The following ABCC8 variants were observed in gnomAD, a reference collection of about 807,000 sequenced individuals.
ABCC8 encodes ATP-binding cassette sub-family C member 8.
ABCC8 carries 137 observed loss-of-function variants against 188.0 expected under a neutral mutation model. That is an observed-to-expected ratio of 0.73 (90% CI 0.63 to 0.84). The LOEUF is 0.84. ABCC8 is among the 40% of genes least tolerant of loss of function. ABCC8 has a pLI of 0.00. For missense variants in ABCC8, 1,750 were observed against 2,072.7 expected (o/e 0.84, Z 3.02); for synonymous variants, 797 against 846.5 (o/e 0.94, Z 1.01).
chr11:17,467,710 C>T (rs1291842408), intron 3 of ABCC8, among the ~76,000 whole-genome samples: 1 of 152,276 alleles, frequency 6.6e-6, no homozygotes, highest in Non-Finnish European at 1.5e-5. Context: ...ACATCAGCCC[C>T]TTGGAGGGCT....
intron 6 of ABCC8, among the ~76,000 whole-genome samples, chr11:17,457,728 C>G (rs1013764686): frequency 6.6e-6 from 1 of 152,146 alleles, no homozygotes; most frequent in African/African-American, 2.4e-5. Context: ...CAGACACTTT[C>G]AGTAACTAAA....
At chr11:17,445,557 T>C (rs1184893761) in intron 8 of ABCC8, among the ~76,000 whole-genome samples, 1 of 152,238 alleles carries the variant, frequency 6.6e-6, no homozygotes, top group Non-Finnish European at 1.5e-5. Flanking sequence ...TCTGCACTCA[T>C]GTCAATATTA....
intron 7 of ABCC8, 187 bp from the exon 8 acceptor site, chr11:17,448,858 T>C (rs567493510): frequency 3.4e-6 from 1 of 294,312 alleles, no homozygotes; most frequent in Non-Finnish European, 5.0e-6. Flanking sequence ...GCAAGCTACT[T>C]CTCCAGCAAG....
chr11:17,463,081 C>G (rs4148610), intron 4 of ABCC8, among the ~76,000 whole-genome samples: 62,051 of 151,916 alleles, frequency 0.41, 13,741 homozygotes, highest in African/African-American at 0.59. Flanking sequence ...ATTCATTTAC[C>G]AGCGTGACGA....
rs539521920 is a variant in ABCC8, at chr11:17,474,871, C to T, written c.290+15G>A. 1.2e-6 allele frequency: 2 copies of T among 1,613,764 alleles called. No individual in the cohort carries two copies. Among genetic ancestry groups the T allele is most frequent in the Non-Finnish European group, 1.7e-6 (2 of 1,179,758 alleles). ...GAGCAGATTCACTTTCCTGAGTCCT[C>T]AGACAGTCACTCACCCATCAGACAG... On this transcript the variant is annotated intron_variant, in intron 2 of 38. Coordinates refer to ENST00000389817, the MANE Select transcript of ABCC8 (RefSeq NM_000352.6).
Position 17,404,842 on chromosome 11 carries a change from G to T in ABCC8, c.3400-173C>A. 1.7e-6 allele frequency: 1 copy of T among 593,412 alleles called. No individual in the cohort carries two copies. The highest frequency in any genetic ancestry group is 2.1e-6 in the Non-Finnish European group (1 of 471,758). The allele number at this position is 593,412 out of a possible 1,614,324, so 36.8% of individuals were successfully genotyped here. ...AGCAGCGTAATCTCGGTTCACGGCAGCCTCTGCCCCTTGGGTTCAAATGAT... is the reference window on the plus strand; with the variant it reads ...AGCAGCGTAATCTCGGTTCACGGCATCCTCTGCCCCTTGGGTTCAAATGAT... On this transcript the variant is annotated intron_variant, in intron 27 of 38. Coordinates refer to ENST00000389817, the MANE Select transcript of ABCC8 (RefSeq NM_000352.6). The surrounding 1 kb of genome is among the most constrained non-coding windows in gnomAD (Gnocchi z 4.7).
intron 7 of ABCC8, 101 bp downstream of exon 7, chr11:17,453,018 G>A: frequency 8.8e-7 from 1 of 1,134,180 alleles, no homozygotes; most frequent in Non-Finnish European, 1.3e-6. Flanking sequence ...TAAATTTACA[G>A]CAGAATTATT....
In ABCC8 at chr11:17,427,954, G is replaced by A. The variant is rs201419039; in HGVS notation, c.2041-12C>T. 1.3e-3 allele frequency: 2,041 copies of A among 1,612,692 alleles called. No individual in the cohort carries two copies. The highest frequency in any genetic ancestry group is 1.6e-3 in the Non-Finnish European group (1,912 of 1,179,404). ...TAGCCTCCCATGATCTTCATTAGGC[G>A]TGTCCCACCGCCCAGGAGAGAACAG... On this transcript the variant is annotated splice_polypyrimidine_tract_variant and intron_variant, in intron 14 of 38. Coordinates refer to ENST00000389817, the MANE Select transcript of ABCC8 (RefSeq NM_000352.6). This position sits in a 1 kb window ranked among gnomAD's most constrained non-coding sequence, Gnocchi z 5.0.
rs72559720 is a variant in ABCC8 at position 17,407,012 on chromosome 11, G to C, written c.3038C>G (p.Ser1013Trp). 1 of 1,614,184 alleles carries C rather than the reference G, an allele frequency of 6.2e-7. No individual in the cohort carries two copies. The change falls in exon 25 of 39, where the codon TCG (serine) becomes TGG (tryptophan). Residue 1013 changes from serine to tryptophan, a missense_variant. Physicochemically the swap from Ser to Trp is radical, Grantham distance 177. Transcript: ENST00000389817. ...GAGCAGCTGTGAGAAGACCAGCAAC[G>C]ACAGGAGCAGGATGCCGGCGGAGGA... ...YLSSAGILLLSLLVFSQLLKH... is the reference protein window; with the variant it reads ...YLSSAGILLLWLLVFSQLLKH...
intron 2 of ABCC8, 64 bp downstream of exon 2, chr11:17,474,822 T>C: frequency 1.3e-6 from 2 of 1,552,774 alleles, no homozygotes; most frequent in South Asian, 1.1e-5. Context: ...TAGGATCTCC[T>C]TGGGCCTTTC....
chr11:17,467,593 A>G (rs1339625922), intron 3 of ABCC8, among the ~76,000 whole-genome samples: 1 of 152,218 alleles, frequency 6.6e-6, no homozygotes, highest in Non-Finnish European at 1.5e-5. Context: ...ACTTTTTCAG[A>G]GAACATTTCC....
intron 16 of ABCC8, among the ~76,000 whole-genome samples, chr11:17,424,147 C>T (rs1955476898): frequency 6.6e-6 from 1 of 152,010 alleles, no homozygotes; most frequent in Non-Finnish European, 1.5e-5. Context: ...GGGAACATCA[C>T]ATACCGAGCC....
rs1185205947 is a variant in ABCC8, at chr11:17,427,087, C to T, written c.2184G>A (p.Gly728=). The T allele has an allele frequency of 4.3e-6, 7 of 1,614,016 alleles. No individual in the cohort carries two copies. The highest frequency in any genetic ancestry group is 5.9e-6 in the Non-Finnish European group (7 of 1,179,966). The part of the protein sequence containing the change: ...GKSSLLLAAL[G]EMQKVSGAVF... ...CAGCCCCTGAGACCTTCTGCATCTC[C>T]CCCAGTGCGGCTAGAAGGAGCGAGG... The change falls in exon 16 of 39, where the codon GGG becomes GGA. Residue 728 remains glycine, a synonymous_variant. Transcript: ENST00000389817. The surrounding 1 kb of genome is among the most constrained non-coding windows in gnomAD (Gnocchi z 5.0).
At chr11:17,460,899 G>A in intron 5 of ABCC8, 1 of 847,472 alleles carries the variant, frequency 1.2e-6, no homozygotes, top group Middle Eastern at 3.7e-4. Flanking sequence ...AAGGCCAGAT[G>A]ATTGCTCAAG....
At position 17,413,426 on chromosome 11, in the gene ABCC8, G is replaced by A; in HGVS notation, c.2443C>T (p.Pro815Ser). ...CCAATCTGGGTCTGGTCTCCATGGG[G>A]CAGGATGTCGATGTCTGGCTGCAGA... is the stretch of plus-strand genomic sequence containing the variant. Reference protein sequence around the residue: ...CSLQPDIDILPHGDQTQIGER... With the variant: ...CSLQPDIDILSHGDQTQIGER... Residue 815 changes from proline (P) to serine (S), a missense_variant, in exon 20 of 39, where the codon CCC (proline) becomes TCC (serine). Transcript: ENST00000389817. 6.2e-7 allele frequency: 1 copy of A among 1,614,166 alleles called. No individual in the cohort carries two copies.
chr11:17,467,899 G>A (rs575889549), intron 3 of ABCC8, among the ~76,000 whole-genome samples: 12 of 152,352 alleles, frequency 7.9e-5, no homozygotes, highest in East Asian at 1.9e-4. Flanking sequence ...ATCCATCCAC[G>A]GGTGATAACT....
chr11:17,449,083 A>G (rs992777484), intron 7 of ABCC8, among the ~76,000 whole-genome samples: 8 of 152,212 alleles, frequency 5.3e-5, no homozygotes, highest in African/African-American at 1.7e-4. Context: ...CGTGCCTACC[A>G]TGCCCAGCTA....
At chr11:17,448,177 T>A (rs754165425) in intron 8 of ABCC8, 3 of 342,792 alleles carry the variant, frequency 8.8e-6, no homozygotes, top group Non-Finnish European at 1.7e-5. Flanking sequence ...CTTGAACTCC[T>A]GTGCTCATGT....
Position 17,407,083 on chromosome 11 carries a change from C to G in ABCC8, c.2967G>C (p.Leu989=). 1 of 1,613,876 alleles carries G rather than the reference C, an allele frequency of 6.2e-7. No individual in the cohort carries two copies. Among genetic ancestry groups the G allele is most frequent in the Non-Finnish European group, 8.5e-7 (1 of 1,180,040 alleles). Residue 989 remains leucine, a synonymous_variant, in exon 25 of 39, where the codon CTG becomes CTC. Transcript: ENST00000389817. ...SEEDDNLSSM[L]HQRAEIPWRA... Reference sequence around the variant, plus strand: ...GCCATGGGATCTCAGCACGCTGGTGCAGCATGGACGACAGGTTGTCATCCT... The same window carrying G: ...GCCATGGGATCTCAGCACGCTGGTGGAGCATGGACGACAGGTTGTCATCCT...
Sources: allele counts gnomAD v4.1 joint callset (sites outside exome capture counted in the v4.1 genomes callset), GRCh38; gene constraint gnomAD v4.1.1; non-coding constraint Gnocchi (gnomAD v3.1); transcripts MANE v1.5; gene names NCBI Gene and HGNC (gene_info 2026-07-23, HGNC 2026-07-21).